Variants in OSBP2 observed in about 807,000 individuals in gnomAD.
OSBP2 encodes the protein oxysterol binding protein 2.
In OSBP2, 66 loss-of-function variants were observed where a neutral mutation model predicts 96.0. The observed-to-expected ratio is 0.69, with a 90% CI of 0.56 to 0.84. OSBP2 has a LOEUF of 0.84. OSBP2 is among the 40% of genes least tolerant of loss of function. The pLI is 0.00. For missense variants in OSBP2, 1,038 were observed against 1,222.7 expected, an observed-to-expected ratio of 0.85 and a Z score of 2.25; for synonymous variants, 525 against 520.9, an observed-to-expected ratio of 1.01 and a Z score of -0.11.
intron 3 of OSBP2, among the ~76,000 whole-genome samples, chr22:30,875,624 G>A (rs1222812833): frequency 3.3e-5 from 5 of 152,202 alleles, no homozygotes; most frequent in East Asian, 1.9e-4. Flanking sequence ...CGCCTGCCTC[G>A]GCCTCCCAAA....
chr22:30,721,242 C>A (rs4820025), intron 1 of OSBP2, among the ~76,000 whole-genome samples: 94,777 of 151,912 alleles, frequency 0.62, 29,981 homozygotes, highest in Middle Eastern at 0.7. Flanking sequence ...CCAAACCAAA[C>A]CAAAACAAAA....
At position 30,893,178 on chromosome 22, in the gene OSBP2, C is replaced by A. The variant is rs199797396; in HGVS notation, c.1926C>A (p.Ser642Arg). Residue 642 changes from serine to arginine, a missense_variant, in exon 9 of 14, where the codon AGC (serine) becomes AGA (arginine). Coordinates refer to ENST00000332585, the MANE Select transcript of OSBP2 (RefSeq NM_030758.4). Reference protein sequence around the residue: ...AHYVFSKHGWSLWQEITISSK... With the variant: ...AHYVFSKHGWRLWQEITISSK... ...ACGTGTTCTCCAAGCATGGCTGGAG[C>A]CTCTGGCAGGAGATCACCATCTCCA... 416 of 1,613,898 alleles carry A rather than the reference C, an allele frequency of 2.6e-4. No homozygotes were observed. The highest frequency in any genetic ancestry group is 3.3e-4 in the Non-Finnish European group (388 of 1,179,874).
intron 1 of OSBP2, among the ~76,000 whole-genome samples, chr22:30,709,895 T>C (rs2089319511): frequency 6.6e-6 from 1 of 151,726 alleles, no homozygotes; most frequent in Non-Finnish European, 1.5e-5. Flanking sequence ...CTTTTTTTTT[T>C]TTTCTGAAAT....
intron 12 of OSBP2, among the ~76,000 whole-genome samples, chr22:30,903,863 T>G (rs1285475256): frequency 2.0e-5 from 3 of 152,240 alleles, no homozygotes; most frequent in African/African-American, 4.8e-5. Flanking sequence ...GTCTAGAATC[T>G]GGCACTTTAC....
intron 2 of OSBP2, among the ~76,000 whole-genome samples, chr22:30,779,687 A>G (rs571799248): frequency 6.6e-6 from 1 of 152,302 alleles, no homozygotes; most frequent in East Asian, 1.9e-4. Context: ...CCCTTCACTG[A>G]GAAAGCGCCA....
At position 30,714,059 on chromosome 22, in the gene OSBP2, C is replaced by A. The variant is rs190300426; in HGVS notation, c.644+18506C>A. 5.3e-5 allele frequency among the ~76,000 whole-genome samples: 8 copies of A among 152,262 alleles called. No individual in the cohort carries two copies. In the East Asian group the frequency reaches 9.6e-4, roughly 18 times the overall value. On this transcript the variant is annotated intron_variant, in intron 1 of 13. Coordinates refer to ENST00000332585, the MANE Select transcript of OSBP2 (RefSeq NM_030758.4). ...CATTAACCAACCTCTCCTTCTCCCC[C>A]ACTTCCCTCTATCCTTCCCAGCCTC...
At chr22:30,805,416 G>A (rs2090915387) in intron 2 of OSBP2, among the ~76,000 whole-genome samples, 1 of 152,196 alleles carries the variant, frequency 6.6e-6, no homozygotes, top group Admixed American at 6.5e-5. Flanking sequence ...AGTGAAAAGA[G>A]ATCCAGCTTT....
At chr22:30,862,580 T>A (rs528685552) in intron 2 of OSBP2, among the ~76,000 whole-genome samples, 1 of 152,102 alleles carries the variant, frequency 6.6e-6, no homozygotes, top group African/African-American at 2.4e-5. Flanking sequence ...CTGGGGAGGC[T>A]GAGGCAGGAG....
chr22:30,730,724 CTCTCTCT>C (rs1238247439), intron 1 of OSBP2, among the ~76,000 whole-genome samples: 1 of 15,812 alleles, frequency 6.3e-5, no homozygotes, highest in East Asian at 1.9e-3. Flanking sequence ...CTGTCTCTCT[CTCTCTCT>C]CTCTCTCTCT....
intron 2 of OSBP2, among the ~76,000 whole-genome samples, chr22:30,742,336 G>A (rs1401577296): frequency 6.6e-6 from 1 of 151,742 alleles, no homozygotes; most frequent in Non-Finnish European, 1.5e-5. Context: ...GGAGGCTGAG[G>A]CAGGAGAATC....
At chr22:30,819,693 T>C (rs768376859) in intron 2 of OSBP2, among the ~76,000 whole-genome samples, 8 of 152,182 alleles carry the variant, frequency 5.3e-5, no homozygotes, top group Admixed American at 2.0e-4. Flanking sequence ...TGTGTTTGCT[T>C]TAGTGGGACC....
chr22:30,729,879 G>A (rs1279071245), intron 1 of OSBP2, among the ~76,000 whole-genome samples: 3 of 152,030 alleles, frequency 2.0e-5, no homozygotes, highest in Admixed American at 6.6e-5. Flanking sequence ...GTGGACTTCA[G>A]CTCTTGTGGA....
At chr22:30,771,916 T>C (rs1200890852) in intron 2 of OSBP2, among the ~76,000 whole-genome samples, 1 of 152,254 alleles carries the variant, frequency 6.6e-6, no homozygotes, top group Non-Finnish European at 1.5e-5. Context: ...GGACAGAGGC[T>C]GTGCTTGTCC....
intron 2 of OSBP2, among the ~76,000 whole-genome samples, chr22:30,756,725 T>TA (rs960553257): frequency 4.0e-5 from 6 of 151,826 alleles, no homozygotes; most frequent in Non-Finnish European, 7.4e-5. Context: ...AAAAACCTCT[T>TA]AGAGTTGTCA....
chr22:30,710,597 T>G (rs2089331026), intron 1 of OSBP2, among the ~76,000 whole-genome samples: 1 of 150,158 alleles, frequency 6.7e-6, no homozygotes, highest in Admixed American at 6.7e-5. Flanking sequence ...TTCTTATACT[T>G]GTCTTTTTTT....
At chr22:30,839,162 T>TA (rs1300891400) in intron 2 of OSBP2, among the ~76,000 whole-genome samples, 3 of 145,158 alleles carry the variant, frequency 2.1e-5, no homozygotes, top group Admixed American at 6.9e-5. Context: ...TCCATGTCCC[T>TA]ACAAAGGACA....
intron 2 of OSBP2, among the ~76,000 whole-genome samples, chr22:30,829,961 A>G (rs2038488222): frequency 6.6e-6 from 1 of 152,202 alleles, no homozygotes; most frequent in Non-Finnish European, 1.5e-5. Flanking sequence ...ACTTCAGTGA[A>G]AAGATCTCAA....
rs760269148 is a variant in OSBP2 at position 30,870,151 on chromosome 22, C to T, written c.854-278C>T. Reference sequence around the variant, plus strand: ...TGCAGGTGGGTGCCTGTAGGCCTGCCGCCTCCAAAGCCCAGTCCCGGCCCT... The same window carrying T: ...TGCAGGTGGGTGCCTGTAGGCCTGCTGCCTCCAAAGCCCAGTCCCGGCCCT... On this transcript the variant is annotated intron_variant, in intron 2 of 13. Coordinates refer to ENST00000332585, the MANE Select transcript of OSBP2 (RefSeq NM_030758.4). The surrounding 1 kb of genome is among the most constrained non-coding windows in gnomAD (Gnocchi z 4.1). Among the ~76,000 whole-genome samples, 38 of 152,280 alleles carry T rather than the reference C, an allele frequency of 2.5e-4. No homozygotes were observed. Among genetic ancestry groups the T allele is most frequent in the Non-Finnish European group, 4.9e-4 (33 of 68,016 alleles).
intron 2 of OSBP2, among the ~76,000 whole-genome samples, chr22:30,795,099 A>G (rs936714964): frequency 3.3e-5 from 5 of 151,518 alleles, no homozygotes; most frequent in Non-Finnish European, 4.4e-5. Context: ...TTTTGTAGAG[A>G]TGGGATCTCA....
Sources: gnomAD v4.1 joint callset for allele counts (sites outside exome capture counted in the v4.1 genomes callset) on GRCh38, gnomAD v4.1.1 for gene constraint, Gnocchi (gnomAD v3.1) non-coding constraint, MANE v1.5 for transcripts, NCBI Gene and HGNC (gene_info 2026-07-23, HGNC 2026-07-21) for gene names.